The following SV2C variants were observed in gnomAD, a reference collection of about 807,000 sequenced individuals.
SV2C encodes synaptic vesicle glycoprotein 2C.
A neutral mutation model predicts 79.7 loss-of-function variants in SV2C; 49 were observed. The observed-to-expected ratio is 0.61, with a 90% CI of 0.49 to 0.78. SV2C has a LOEUF of 0.78. Among genes scored for constraint, SV2C ranks in the 30% least tolerant of loss-of-function variants. The probability of loss-of-function intolerance (pLI) is 0.00; values close to 1 mark genes in which losing one functional copy is unlikely to be tolerated. For synonymous variants in SV2C, 334 were observed against 333.2 expected (o/e 1.00, Z -0.03); for missense variants, 833 against 912.9 (o/e 0.91, Z 1.13).
At chr5:76,007,225 G>T in the SV2C span, among the ~76,000 whole-genome samples, 1,016 of 151,608 alleles carry the variant, frequency 6.7e-3, 15 homozygotes, top group African/African-American at 0.021. Context: ...TTCATTATTT[G>T]TGTATGCCTC....
At chr5:76,351,884 G>C (rs1048666149) in intron 12 of SV2C, among the ~76,000 whole-genome samples, 1 of 152,082 alleles carries the variant, frequency 6.6e-6, no homozygotes. Flanking sequence ...ATCATCAAGG[G>C]ATTGTACTTT....
chr5:75,920,739 G>A, the SV2C span: 11 of 773,282 alleles, frequency 1.4e-5, no homozygotes, highest in South Asian at 5.4e-5. Flanking sequence ...CTCCTTGAAG[G>A]TGCGGTTCAG....
the SV2C span, among the ~76,000 whole-genome samples, chr5:75,895,928 A>G: frequency 1.3e-5 from 2 of 152,130 alleles, no homozygotes; most frequent in African/African-American, 2.4e-5. Flanking sequence ...ATTTGAACCT[A>G]TCTTATAAAG....
chr5:76,171,936 A>AG (rs1215043767), intron 2 of SV2C, among the ~76,000 whole-genome samples: 6 of 35,250 alleles, frequency 1.7e-4, no homozygotes, highest in Admixed American at 7.1e-4. Flanking sequence ...GGAGGGAGGT[A>AG]GGGGGGTCAG....
chr5:75,999,335 A>T, the SV2C span, among the ~76,000 whole-genome samples: 5,650 of 141,936 alleles, frequency 0.04, 397 homozygotes, highest in African/African-American at 0.14. Flanking sequence ...TATATATAGG[A>T]AGAGAGAGAG....
At chr5:75,901,747 G>C in the SV2C span, among the ~76,000 whole-genome samples, 5 of 152,338 alleles carry the variant, frequency 3.3e-5, no homozygotes, top group East Asian at 9.7e-4. Context: ...CCACCCAGTT[G>C]GAGCTTCCCG....
At chr5:76,230,176 T>C (rs1357656391) in intron 4 of SV2C, among the ~76,000 whole-genome samples, 2 of 152,252 alleles carry the variant, frequency 1.3e-5, no homozygotes, top group Non-Finnish European at 2.9e-5. Context: ...TATCGTGTTG[T>C]CATTATGTAA....
chr5:76,228,430 G>A (rs529502137), intron 4 of SV2C, among the ~76,000 whole-genome samples: 1 of 152,196 alleles, frequency 6.6e-6, no homozygotes, highest in African/African-American at 2.4e-5. Context: ...AAATCTGACT[G>A]TCACAGGTAG....
At chr5:76,095,663 C>T (rs139843744) in intron 1 of SV2C, among the ~76,000 whole-genome samples, 111 of 152,018 alleles carry the variant, frequency 7.3e-4, no homozygotes, top group African/African-American at 2.4e-3. Flanking sequence ...TTCATTAGAA[C>T]GTGGAAGATT....
the SV2C span, among the ~76,000 whole-genome samples, chr5:76,016,022 A>G: frequency 1.3e-5 from 2 of 152,074 alleles, no homozygotes; most frequent in South Asian, 2.1e-4. Flanking sequence ...TATACCTGAA[A>G]AAGTCCATGA....
At chr5:76,233,926 A>C (rs993808058) in intron 4 of SV2C, among the ~76,000 whole-genome samples, 2 of 152,030 alleles carry the variant, frequency 1.3e-5, no homozygotes, top group African/African-American at 4.8e-5. Context: ...CTCTGAGCTC[A>C]TGGCTGATTT....
the SV2C span, among the ~76,000 whole-genome samples, chr5:76,049,033 AGAG>A: frequency 8.6e-6 from 1 of 116,216 alleles, no homozygotes; most frequent in African/African-American, 3.2e-5. Context: ...GAAAAAGAAA[AGAG>A]GGAGGGAGGG....
chr5:76,048,965 G>GAGAAAGAAAGAAAGAAAAAGAA, the SV2C span, among the ~76,000 whole-genome samples: 1 of 58,200 alleles, frequency 1.7e-5, no homozygotes, highest in Middle Eastern at 8.1e-3. Flanking sequence ...GAAAGAAAAA[G>GAGAAAGAAAGAAAGAAAAAGAA]AGAAAGAAAG....
At chr5:75,955,364 C>T in the SV2C span, among the ~76,000 whole-genome samples, 1 of 150,830 alleles carries the variant, frequency 6.6e-6, no homozygotes, top group Admixed American at 6.6e-5. Flanking sequence ...GAAACTGGAT[C>T]CCTTCCTTAC....
chr5:76,223,050 A>G (rs993371887), intron 4 of SV2C, among the ~76,000 whole-genome samples: 46 of 152,292 alleles, frequency 3.0e-4, no homozygotes, highest in South Asian at 2.1e-4. Flanking sequence ...TACAGTGTGC[A>G]TGTGTGGCCC....
rs535479660 is a variant in SV2C at position 76,232,130 on chromosome 5, C to G, written c.913+22243C>G. On this transcript the variant is annotated intron_variant, in intron 4 of 12. Transcript: ENST00000502798. The stretch of plus-strand genomic sequence containing the variant: ...TCCTCACTTTTTAATGATTGCCATT[C>G]TAACTGGTGTGAGTTGGTATCTCAT... 2.9e-4 allele frequency among the ~76,000 whole-genome samples: 43 copies of G among 149,922 alleles called. No homozygotes were observed. In the East Asian group the frequency reaches 7.5e-3, roughly 26 times the overall value.
chr5:76,082,277 C>G (rs946954245), upstream of SV2C: 1 of 152,268 alleles, frequency 6.6e-6, no homozygotes, highest in African/African-American at 2.4e-5. Flanking sequence ...GGGAGGGCGA[C>G]GCCCTCCACT....
the SV2C span, among the ~76,000 whole-genome samples, chr5:75,890,263 C>T: frequency 6.6e-6 from 1 of 152,112 alleles, no homozygotes; most frequent in East Asian, 1.9e-4. Flanking sequence ...AGCAGGTACA[C>T]TTGTTCAGCA....
chr5:76,002,896 C>A, the SV2C span, among the ~76,000 whole-genome samples: 1 of 150,550 alleles, frequency 6.6e-6, no homozygotes, highest in South Asian at 2.1e-4. Flanking sequence ...AATAAAGTAA[C>A]CAGAGGGAAT....
Sources: allele counts gnomAD v4.1 joint callset (sites outside exome capture counted in the v4.1 genomes callset), GRCh38; gene constraint gnomAD v4.1.1; transcripts MANE v1.5; gene names NCBI Gene and HGNC (gene_info 2026-07-23, HGNC 2026-07-21).